Variants in TNFAIP6 observed in about 807,000 individuals in gnomAD.
TNFAIP6 encodes the protein TNF alpha induced protein 6, also known as tumor necrosis factor-inducible gene 6 protein.
TNFAIP6 carries 36 observed loss-of-function variants against 33.7 expected under a neutral mutation model. The ratio of observed to expected loss-of-function variants is 1.07; its 90% confidence interval spans 0.82 to 1.41. The LOEUF (loss-of-function observed/expected upper bound fraction) is 1.41, where lower values mean the gene tolerates loss of function less well. TNFAIP6 is among the 40% of genes most tolerant of loss of function. The pLI is 0.00. For synonymous variants in TNFAIP6, 113 were observed against 112.8 expected (o/e 1.00, Z -0.01); for missense variants, 273 against 331.9 (o/e 0.82, Z 1.38).
intron 4 of TNFAIP6, chr2:151,372,290 A>G (rs1032382356): frequency 2.0e-5 from 3 of 152,212 alleles, no homozygotes; most frequent in African/African-American, 7.2e-5. Context: ...TATCTTATAT[A>G]AAATAATAAA....
rs1247108208 is a variant in TNFAIP6, at chr2:151,379,951, G to C, written c.*418G>C. ...TTTAAACAGCTGTAAAATATTCTAT[G>C]ATATGAATGTTTTATGCATTATTTA... On this transcript the variant is annotated 3_prime_UTR_variant, in exon 6 of 6. Coordinates refer to ENST00000243347, the MANE Select transcript of TNFAIP6 (RefSeq NM_007115.4). 1 of 152,226 alleles carries C rather than the reference G, an allele frequency of 6.6e-6. No homozygotes were observed. Among genetic ancestry groups the C allele is most frequent in the Non-Finnish European group, 1.5e-5 (1 of 68,148 alleles). The allele number at this position is 152,226 out of a possible 1,614,324, so 9.4% of individuals were successfully genotyped here.
intron 3 of TNFAIP6, among the ~76,000 whole-genome samples, chr2:151,367,829 G>C (rs775590869): frequency 1.5e-4 from 22 of 151,346 alleles, no homozygotes; most frequent in Non-Finnish European, 1.3e-4. Flanking sequence ...AGCACTGGGG[G>C]AACAGCTCAC....
chr2:151,366,010 C>T (rs371365368), intron 2 of TNFAIP6, 46 bp from the exon 3 acceptor site: 59 of 1,590,798 alleles, frequency 3.7e-5, no homozygotes, highest in Non-Finnish European at 5.1e-5. Flanking sequence ...TTTGCTTAGC[C>T]AAGACAGTTT....
At chr2:151,362,756 T>C (rs1412836704) in intron 1 of TNFAIP6, among the ~76,000 whole-genome samples, 8 of 152,110 alleles carry the variant, frequency 5.3e-5, no homozygotes, top group Admixed American at 3.9e-4. Flanking sequence ...TCCCGAAGTG[T>C]TGGGATTATA....
intron 3 of TNFAIP6, among the ~76,000 whole-genome samples, chr2:151,367,624 A>G (rs1684735009): frequency 6.6e-6 from 1 of 152,208 alleles, no homozygotes; most frequent in South Asian, 2.1e-4. Flanking sequence ...CCCTTTCATA[A>G]GAATATAATC....
intron 1 of TNFAIP6, among the ~76,000 whole-genome samples, chr2:151,361,137 A>G (rs1208950542): frequency 3.3e-5 from 5 of 152,014 alleles, no homozygotes; most frequent in African/African-American, 1.2e-4. Context: ...GTGTTGTGGC[A>G]TGATCTCTGC....
intron 3 of TNFAIP6, 62 bp from the exon 4 acceptor site, chr2:151,369,958 A>T (rs1184195972): frequency 7.9e-7 from 1 of 1,265,034 alleles, no homozygotes; most frequent in Non-Finnish European, 1.1e-6. Flanking sequence ...TGTCATTTTT[A>T]ACAGGGATAA....
chr2:151,364,591 G>T (rs1216967193), intron 2 of TNFAIP6, among the ~76,000 whole-genome samples: 3 of 152,152 alleles, frequency 2.0e-5, no homozygotes, highest in Admixed American at 6.5e-5. Context: ...GGACAGGAAG[G>T]TCGTGAGATA....
Position 151,370,055 on chromosome 2 carries a change from C to T in TNFAIP6, c.430C>T (p.Gln144Ter). ...TGGTGGCGTCTTTACAGATCCAAAG[C>T]AAATTTTTAAATCTCCAGGCTTCCC... is the stretch of plus-strand genomic sequence containing the variant. Reference protein sequence around the residue: ...ECGGVFTDPKQIFKSPGFPNE... With the variant: ...ECGGVFTDPK The change falls in exon 4 of 6, where the codon CAA (glutamine) becomes TAA (stop). Residue 144 changes from glutamine (Q) to a stop codon, truncating the protein, a stop_gained. Coordinates refer to ENST00000243347, the MANE Select transcript of TNFAIP6 (RefSeq NM_007115.4). LOFTEE classifies it high-confidence loss of function. The T allele has an allele frequency of 6.2e-7, 1 of 1,613,904 alleles. No homozygotes were observed. Among genetic ancestry groups the T allele is most frequent in the South Asian group, 1.1e-5 (1 of 91,074 alleles).
At chr2:151,359,100 G>A (rs1684581135) in intron 1 of TNFAIP6, among the ~76,000 whole-genome samples, 1 of 152,108 alleles carries the variant, frequency 6.6e-6, no homozygotes, top group Non-Finnish European at 1.5e-5. Flanking sequence ...GTAGAGAGAA[G>A]CAAATTCAAA....
intron 1 of TNFAIP6, among the ~76,000 whole-genome samples, chr2:151,358,004 T>C (rs1189380121): frequency 6.6e-6 from 1 of 152,190 alleles, no homozygotes; most frequent in African/African-American, 2.4e-5. Context: ...TTAATATTTA[T>C]ATTCAGTATG....
intron 4 of TNFAIP6, among the ~76,000 whole-genome samples, chr2:151,370,513 ATACT>A (rs1405566566): frequency 6.7e-6 from 1 of 150,132 alleles, no homozygotes; most frequent in East Asian, 1.9e-4. Flanking sequence ...TGACTACAAC[ATACT>A]TATTAAAGTA....
chr2:151,367,771 G>A (rs1684738858), intron 3 of TNFAIP6, among the ~76,000 whole-genome samples: 1 of 151,992 alleles, frequency 6.6e-6, no homozygotes, highest in African/African-American at 2.4e-5. Flanking sequence ...GTGGTATGCT[G>A]ACTATTTAGG....
At chr2:151,375,125 C>CAAAA (rs71403161) in intron 5 of TNFAIP6, among the ~76,000 whole-genome samples, 2 of 78,906 alleles carry the variant, frequency 2.5e-5, no homozygotes, top group Admixed American at 1.6e-4. Context: ...AACTCCGTCT[C>CAAAA]AAAAAAAAAA....
chr2:151,361,479 C>A (rs2152011959), intron 1 of TNFAIP6, among the ~76,000 whole-genome samples: 1 of 152,250 alleles, frequency 6.6e-6, no homozygotes, highest in African/African-American at 2.4e-5. Context: ...ATAATTTTTA[C>A]AAAATTTGTT....
chr2:151,371,397 TA>T (rs1479769636), intron 4 of TNFAIP6, among the ~76,000 whole-genome samples: 1 of 152,174 alleles, frequency 6.6e-6, no homozygotes, highest in Non-Finnish European at 1.5e-5. Context: ...AATTCTCTAT[TA>T]TACATGATAG....
intron 4 of TNFAIP6, among the ~76,000 whole-genome samples, chr2:151,371,668 C>A (rs1461441816): frequency 3.3e-5 from 5 of 151,490 alleles, no homozygotes; most frequent in Admixed American, 2.6e-4. Flanking sequence ...AATCTCGGCT[C>A]ACTGCAACCT....
At chr2:151,365,967 C>T in intron 2 of TNFAIP6, 89 bp from the exon 3 acceptor site, 1 of 1,281,814 alleles carries the variant, frequency 7.8e-7, no homozygotes, top group Non-Finnish European at 1.1e-6. Flanking sequence ...AAGAAACTTA[C>T]TATTGGAAGT....
At chr2:151,364,363 T>C (rs1304436402) in intron 2 of TNFAIP6, among the ~76,000 whole-genome samples, 1 of 152,238 alleles carries the variant, frequency 6.6e-6, no homozygotes, top group Non-Finnish European at 1.5e-5. Context: ...AAATTTCTCA[T>C]TAATTTCAAT....
Sources: gnomAD v4.1 joint callset for allele counts (sites outside exome capture counted in the v4.1 genomes callset) on GRCh38, gnomAD v4.1.1 for gene constraint, MANE v1.5 for transcripts, NCBI Gene and HGNC (gene_info 2026-07-23, HGNC 2026-07-21) for gene names.